Variants in ADGRL2 observed in about 807,000 individuals in gnomAD.
The protein encoded by ADGRL2 is adhesion G protein-coupled receptor L2, also known as calcium-independent alpha-latrotoxin receptor 2.
In ADGRL2, 44 loss-of-function variants were observed where a neutral mutation model predicts 157.4. The ratio of observed to expected loss-of-function variants is 0.28; its 90% CI spans 0.22 to 0.36. ADGRL2 has a LOEUF of 0.36. ADGRL2 is among the 10% of genes least tolerant of loss of function. The pLI is 1.00. For synonymous variants in ADGRL2, 585 were observed against 624.7 expected (o/e 0.94, Z 0.95); for missense variants, 1,510 against 1,768.9 (o/e 0.85, Z 2.63).
At chr1:81,751,142 C>T (rs1205553212) in intron 1 of ADGRL2, among the ~76,000 whole-genome samples, 1 of 152,046 alleles carries the variant, frequency 6.6e-6, no homozygotes, top group Non-Finnish European at 1.5e-5. Context: ...TCATACTGAC[C>T]ATATCTGGGA....
intron 3 of ADGRL2, among the ~76,000 whole-genome samples, chr1:81,625,963 AT>A (rs1376665788): frequency 3.3e-5 from 5 of 152,252 alleles, no homozygotes; most frequent in African/African-American, 7.2e-5. Context: ...TCATTCTTTC[AT>A]TTGCCTTTGA....
chr1:81,696,362 T>C (rs2149010959), upstream of ADGRL2, among the ~76,000 whole-genome samples: 1 of 152,238 alleles, frequency 6.6e-6, no homozygotes, highest in East Asian at 1.9e-4. Flanking sequence ...ATAAATAAAT[T>C]CTAGTGTTTT....
At chr1:81,722,587 T>A (rs559252813) in intron 1 of ADGRL2, 1 of 1,454,624 alleles carries the variant, frequency 6.9e-7, no homozygotes, top group Non-Finnish European at 9.5e-7. Flanking sequence ...CCTAGGCCAC[T>A]GGGAAGATGT....
intron 2 of ADGRL2, among the ~76,000 whole-genome samples, chr1:81,792,476 A>AT (rs973814278): frequency 6.6e-5 from 10 of 152,070 alleles, no homozygotes; most frequent in Non-Finnish European, 1.5e-4. Context: ...GCATATATAT[A>AT]TTTTTTACAG....
intron 4 of ADGRL2, among the ~76,000 whole-genome samples, chr1:81,940,160 T>C (rs565810014): frequency 2.7e-5 from 4 of 149,784 alleles, no homozygotes; most frequent in Non-Finnish European, 4.4e-5. Flanking sequence ...ATTGAACTTG[T>C]TTTAAGTTCT....
chr1:81,939,293 T>A (rs1223110484), intron 4 of ADGRL2, among the ~76,000 whole-genome samples: 1 of 151,564 alleles, frequency 6.6e-6, no homozygotes, highest in Non-Finnish European at 1.5e-5. Flanking sequence ...GGGTATCCAT[T>A]GTCATTGCCA....
intron 21 of ADGRL2, among the ~76,000 whole-genome samples, 174 bp from the exon 22 acceptor site, chr1:81,986,727 T>C (rs1285623408): frequency 6.6e-6 from 1 of 152,034 alleles, no homozygotes; most frequent in East Asian, 1.9e-4. Flanking sequence ...CTCCCTTCTC[T>C]CCTGCAAATT....
chr1:81,936,124 T>G (rs1208514936), intron 3 of ADGRL2, among the ~76,000 whole-genome samples: 1 of 151,926 alleles, frequency 6.6e-6, no homozygotes, highest in Non-Finnish European at 1.5e-5. Flanking sequence ...TAAATGCACT[T>G]TATCATTTAT....
chr1:81,982,228 A>T (rs1661868829), intron 19 of ADGRL2, among the ~76,000 whole-genome samples: 1 of 151,956 alleles, frequency 6.6e-6, no homozygotes, highest in African/African-American at 2.4e-5. Flanking sequence ...CCTTGCTCGT[A>T]GGGTCTATAA....
intron 3 of ADGRL2, among the ~76,000 whole-genome samples, chr1:81,654,617 T>C (rs2082491852): frequency 6.6e-6 from 1 of 152,236 alleles, no homozygotes; most frequent in African/African-American, 2.4e-5. Context: ...AGAGCCTTCA[T>C]GCTTTGGCTT....
chr1:81,684,015 C>T (rs941660763), intron 3 of ADGRL2, among the ~76,000 whole-genome samples: 4 of 152,062 alleles, frequency 2.6e-5, no homozygotes, highest in Admixed American at 6.6e-5. Flanking sequence ...TGAGGTTTCA[C>T]CATGTTGGTC....
rs549405477 is a variant in ADGRL2 at position 81,400,240 on chromosome 1, G to C, written c.-301-44796G>C. On this transcript the variant is annotated intron_variant, in intron 1 of 24. Transcript: ENST00000370721. ...GGTCTGACATGACCTACAAGCAGCT[G>C]CAGCAGTGCTGGGTTCCAGGTGCAG... Among the ~76,000 whole-genome samples, 10 of 152,188 alleles carry C rather than the reference G, an allele frequency of 6.6e-5. No homozygotes were observed. The South Asian group carries it at 2.1e-3, about 32-fold the overall frequency.
At chr1:81,384,551 A>T (rs2076401651) in intron 1 of ADGRL2, among the ~76,000 whole-genome samples, 1 of 152,194 alleles carries the variant, frequency 6.6e-6, no homozygotes, top group African/African-American at 2.4e-5. Flanking sequence ...TTATCTTTAA[A>T]AAATGAATCA....
At chr1:81,815,189 C>T (rs1426715343) in intron 1 of ADGRL2, among the ~76,000 whole-genome samples, 1 of 151,730 alleles carries the variant, frequency 6.6e-6, no homozygotes, top group Non-Finnish European at 1.5e-5. Context: ...TTTTAGTGCT[C>T]TTTAAATCAG....
At chr1:81,708,944 G>A (rs1427111801) in intron 1 of ADGRL2, among the ~76,000 whole-genome samples, 1 of 151,988 alleles carries the variant, frequency 6.6e-6, no homozygotes, top group East Asian at 1.9e-4. Flanking sequence ...TTTCCAAGGA[G>A]ACAGGAAAGG....
At chr1:81,517,190 C>T (rs1045995538) in intron 2 of ADGRL2, among the ~76,000 whole-genome samples, 4 of 151,892 alleles carry the variant, frequency 2.6e-5, no homozygotes, top group Admixed American at 2.0e-4. Context: ...ATGTCAAAAC[C>T]GGCCGGGCAC....
intron 3 of ADGRL2, among the ~76,000 whole-genome samples, chr1:81,615,669 G>T (rs2081629827): frequency 6.6e-6 from 1 of 152,184 alleles, no homozygotes; most frequent in African/African-American, 2.4e-5. Flanking sequence ...TTGGTTTCTA[G>T]ATTTTGCTTT....
At chr1:81,942,584 G>A (rs1648442984) in intron 5 of ADGRL2, among the ~76,000 whole-genome samples, 2 of 151,798 alleles carry the variant, frequency 1.3e-5, no homozygotes, top group Admixed American at 6.6e-5. Context: ...GGGCTCATAG[G>A]TGAAGTAGGG....
At chr1:81,775,316 T>A (rs1008255477) in intron 2 of ADGRL2, among the ~76,000 whole-genome samples, 2 of 152,166 alleles carry the variant, frequency 1.3e-5, no homozygotes, top group Admixed American at 6.5e-5. Flanking sequence ...GAAAGCATGA[T>A]CCTAGAAAAG....
Sources: allele counts gnomAD v4.1 joint callset (sites outside exome capture counted in the v4.1 genomes callset), GRCh38; gene constraint gnomAD v4.1.1; transcripts MANE v1.5; gene names NCBI Gene and HGNC (gene_info 2026-07-23, HGNC 2026-07-21).